Variants in PTPRG observed in about 807,000 individuals in gnomAD.
PTPRG encodes the protein protein tyrosine phosphatase receptor type G.
PTPRG carries 102 observed loss-of-function variants against 165.3 expected under a neutral mutation model. That is an observed-to-expected ratio of 0.62 (90% CI 0.53 to 0.73). The LOEUF (loss-of-function observed/expected upper bound fraction) is 0.73, where lower values mean the gene tolerates loss of function less well. Among genes scored for constraint, PTPRG ranks in the 30% least tolerant of loss-of-function variants. The pLI is 0.00. For synonymous variants in PTPRG, 675 were observed against 669.5 expected, an observed-to-expected ratio of 1.01 and a Z score of -0.13; for missense variants, 1,866 against 1,861.4, an observed-to-expected ratio of 1.00 and a Z score of -0.05.
At chr3:61,838,426 A>T (rs1163247868) in intron 2 of PTPRG, among the ~76,000 whole-genome samples, 5 of 151,940 alleles carry the variant, frequency 3.3e-5, no homozygotes, top group Non-Finnish European at 7.4e-5. Flanking sequence ...GCCAAATTTA[A>T]CCTCCCTGAA....
intron 1 of PTPRG, among the ~76,000 whole-genome samples, chr3:61,591,905 C>G (rs1455387923): frequency 1.3e-5 from 2 of 152,002 alleles, no homozygotes; most frequent in African/African-American, 4.8e-5. Flanking sequence ...AAGAATTGTT[C>G]CTCAAAGGGG....
At chr3:61,775,380 A>G (rs2034345353) in intron 2 of PTPRG, among the ~76,000 whole-genome samples, 1 of 152,128 alleles carries the variant, frequency 6.6e-6, no homozygotes, top group South Asian at 2.1e-4. Flanking sequence ...CCCTTAAATA[A>G]AATCCTTTCA....
In PTPRG at chr3:62,233,197, C is replaced by T. The variant is rs1329870881; in HGVS notation, c.2375+1886C>T. 2.6e-5 allele frequency among the ~76,000 whole-genome samples: 4 copies of T among 152,132 alleles called. No homozygotes were observed. The highest frequency in any genetic ancestry group is 9.7e-5 in the African/African-American group (4 of 41,422). ...CAGCGGCGTGAATCCTGAGCAGTAC[C>T]CCCTCTCACAGCTACATGTGCTATG... On this transcript the variant is annotated intron_variant, in intron 14 of 29. Transcript: ENST00000474889. This position sits in a 1 kb window ranked among gnomAD's most constrained non-coding sequence, Gnocchi z 4.7.
intron 15 of PTPRG, among the ~76,000 whole-genome samples, chr3:62,248,442 G>T (rs148764685): frequency 1.9e-3 from 289 of 152,254 alleles, no homozygotes; most frequent in African/African-American, 6.5e-3. Context: ...ACAGCTGTCA[G>T]TCCCCTCATA....
chr3:61,966,956 G>T (rs958818845), intron 2 of PTPRG, among the ~76,000 whole-genome samples: 2 of 152,170 alleles, frequency 1.3e-5, no homozygotes, highest in African/African-American at 4.8e-5. Context: ...TTAAAGTTGG[G>T]CTTGTGAGAA....
intron 1 of PTPRG, among the ~76,000 whole-genome samples, chr3:61,746,083 C>T (rs1174958926): frequency 2.1e-5 from 3 of 143,640 alleles, no homozygotes; most frequent in African/African-American, 7.8e-5. Flanking sequence ...GGGTCTCACT[C>T]TGTTGCCCAG....
At chr3:62,098,745 A>C (rs1471893828) in intron 5 of PTPRG, among the ~76,000 whole-genome samples, 1 of 152,192 alleles carries the variant, frequency 6.6e-6, no homozygotes, top group Non-Finnish European at 1.5e-5. Flanking sequence ...GGTTCTGTGA[A>C]TATTCTAGAA....
At chr3:62,288,089 T>A (rs1702738512) in intron 28 of PTPRG, among the ~76,000 whole-genome samples, 1 of 147,736 alleles carries the variant, frequency 6.8e-6, no homozygotes. Context: ...AACTAAATGA[T>A]GATGAAGGCA....
chr3:62,144,167 G>T (rs1013282365), intron 6 of PTPRG, among the ~76,000 whole-genome samples: 7 of 152,194 alleles, frequency 4.6e-5, no homozygotes, highest in African/African-American at 1.4e-4. Context: ...CACCTTATGT[G>T]TTTAATCTCT....
At chr3:62,004,098 G>C (rs572315679) in intron 4 of PTPRG, among the ~76,000 whole-genome samples, 46 of 152,280 alleles carry the variant, frequency 3.0e-4, no homozygotes, top group African/African-American at 9.6e-4. Context: ...TATCTGCTTA[G>C]AGCCAGGGTG....
In PTPRG at chr3:61,562,333, A is replaced by G. The variant is rs774536606; in HGVS notation, c.46A>G (p.Ile16Val). Residue 16 changes from isoleucine (I) to valine (V), a missense_variant, in exon 1 of 30, where the codon ATC becomes GTC. Ile to Val is a conservative substitution (Grantham distance 29). Around this residue, in one of 3 missense-constraint regions of PTPRG, gnomAD observed 408 missense variants for 376.2 expected, o/e 1.08. Transcript: ENST00000474889. ...GTGTTGGTGGATTTTGTTCCTGAAAATCACCAGTTCCGTGCTCCATTATGT... is the reference window on the plus strand; with the variant it reads ...GTGTTGGTGGATTTTGTTCCTGAAAGTCACCAGTTCCGTGCTCCATTATGT... ...EPCWWILFLK[I>V]TSSVLHYVVC... 14 of 1,613,530 alleles carry G rather than the reference A, an allele frequency of 8.7e-6. No individual in the cohort carries two copies. Among genetic ancestry groups the G allele is most frequent in the East Asian group, 4.5e-5 (2 of 44,802 alleles).
chr3:61,748,443 G>C (rs762732556), intron 1 of PTPRG, among the ~76,000 whole-genome samples: 22 of 152,160 alleles, frequency 1.4e-4, no homozygotes, highest in Non-Finnish European at 2.9e-4. Flanking sequence ...TTACACACAG[G>C]TTGTAAACTT....
intron 2 of PTPRG, among the ~76,000 whole-genome samples, chr3:61,858,230 C>T (rs1040623483): frequency 2.0e-5 from 3 of 152,134 alleles, no homozygotes; most frequent in East Asian, 1.9e-4. Context: ...GCCACAAATA[C>T]AGAAGTACAT....
chr3:62,035,783 G>A (rs538515002), intron 4 of PTPRG, among the ~76,000 whole-genome samples: 24 of 152,294 alleles, frequency 1.6e-4, no homozygotes, highest in African/African-American at 5.8e-4. Flanking sequence ...GAAAGTTGGC[G>A]AGTGCATCCA....
chr3:62,258,967 A>G (rs769828582), intron 16 of PTPRG, among the ~76,000 whole-genome samples: 5 of 152,224 alleles, frequency 3.3e-5, no homozygotes, highest in Non-Finnish European at 7.3e-5. Context: ...TCCATGAGTC[A>G]GAAGAATTAA....
intron 3 of PTPRG, among the ~76,000 whole-genome samples, chr3:61,990,899 C>CTTTT (rs10662494): frequency 1.5e-4 from 21 of 139,190 alleles, no homozygotes; most frequent in Non-Finnish European, 2.5e-4. Context: ...ACAAAGTTGC[C>CTTTT]TTTTTTTTTT....
intron 17 of PTPRG, among the ~76,000 whole-genome samples, chr3:62,266,276 A>G (rs1209893719): frequency 6.6e-6 from 1 of 152,190 alleles, no homozygotes; most frequent in Non-Finnish European, 1.5e-5. Flanking sequence ...AGAATAGCAT[A>G]GAAACAAGTA....
rs1442773933 is a variant in PTPRG, at chr3:61,748,978, C to T, written c.186C>T (p.Tyr62=). The T allele has an allele frequency of 1.2e-6, 2 of 1,610,812 alleles. No homozygotes were observed. The highest frequency in any genetic ancestry group is 2.2e-5 in the East Asian group (1 of 44,852). The change falls in exon 2 of 30, where the codon TAC becomes TAT. Residue 62 remains tyrosine, a synonymous_variant. Coordinates refer to ENST00000474889, the MANE Select transcript of PTPRG (RefSeq NM_002841.4). ...RKASGDPYWA[Y]SGAYGPEHWV... ...CTTCAGGCGACCCGTACTGGGCCTA[C>T]TCTGGTAAGTCCAGTTGTTCTAATG...
chr3:61,856,629 G>A (rs1575726439), intron 2 of PTPRG, among the ~76,000 whole-genome samples: 1 of 152,200 alleles, frequency 6.6e-6, no homozygotes, highest in East Asian at 1.9e-4. Context: ...GAACTATAGT[G>A]TACACATCCC....
Sources: gnomAD v4.1 joint callset for allele counts (sites outside exome capture counted in the v4.1 genomes callset) on GRCh38, gnomAD v4.1.1 for gene constraint, gnomAD v4.1.1 regional missense constraint, Gnocchi (gnomAD v3.1) non-coding constraint, MANE v1.5 for transcripts, NCBI Gene and HGNC (gene_info 2026-07-23, HGNC 2026-07-21) for gene names.